PRKG1: variants seen among roughly 807,000 people sequenced by gnomAD.
The protein encoded by PRKG1 is protein kinase cGMP-dependent 1.
Under a neutral mutation model 88.1 loss-of-function variants are expected in PRKG1, and 35 were observed. The ratio of observed to expected loss-of-function variants is 0.40; its 90% confidence interval spans 0.30 to 0.53. PRKG1 has a LOEUF of 0.53. Among genes scored for constraint, PRKG1 ranks in the 20% least tolerant of loss-of-function variants. The pLI, the probability that PRKG1 is intolerant of heterozygous loss-of-function variation, is 0.59. For synonymous variants in PRKG1, 303 were observed against 292.5 expected, an observed-to-expected ratio of 1.04 and a Z score of -0.37; for missense variants, 540 against 839.8, an observed-to-expected ratio of 0.64 and a Z score of 4.41.
At chr10:51,054,676 C>G (rs1050603505) in intron 1 of PRKG1, among the ~76,000 whole-genome samples, 17 of 152,042 alleles carry the variant, frequency 1.1e-4, no homozygotes, top group Non-Finnish European at 1.9e-4. Flanking sequence ...TTTTAGTGAA[C>G]CTTTCGTTAT....
intron 5 of PRKG1, among the ~76,000 whole-genome samples, chr10:51,914,955 C>T (rs375986153): frequency 1.3e-5 from 2 of 152,244 alleles, no homozygotes; most frequent in East Asian, 1.9e-4. Context: ...TTTCAACTCA[C>T]CCTTGCTTAA....
At chr10:51,302,269 A>G (rs954210215) in intron 2 of PRKG1, among the ~76,000 whole-genome samples, 4 of 152,224 alleles carry the variant, frequency 2.6e-5, no homozygotes, top group Non-Finnish European at 2.9e-5. Context: ...TTCAAATTGT[A>G]TATAACATCT....
intron 3 of PRKG1, among the ~76,000 whole-genome samples, chr10:51,720,577 A>G (rs911635384): frequency 1.3e-5 from 2 of 152,022 alleles, no homozygotes; most frequent in African/African-American, 4.8e-5. Context: ...TATGGGTGGG[A>G]TGGCTTTATA....
chr10:51,906,366 A>G (rs1842086601), intron 4 of PRKG1, among the ~76,000 whole-genome samples: 1 of 152,196 alleles, frequency 6.6e-6, no homozygotes, highest in Admixed American at 6.5e-5. Context: ...AGCCCCAGGA[A>G]GTCCTGAGAA....
intron 3 of PRKG1, among the ~76,000 whole-genome samples, chr10:51,677,857 T>C (rs1196728618): frequency 6.6e-6 from 1 of 152,130 alleles, no homozygotes; most frequent in African/African-American, 2.4e-5. Context: ...GGAGAGGGAA[T>C]TGGGCAGGAG....
chr10:52,046,334 T>C (rs1423978181), intron 5 of PRKG1, among the ~76,000 whole-genome samples: 2 of 152,116 alleles, frequency 1.3e-5, no homozygotes, highest in East Asian at 3.9e-4. Flanking sequence ...GAGGTATTTG[T>C]ACCTTTACAA....
At chr10:52,114,361 G>A (rs1847637722) in intron 7 of PRKG1, among the ~76,000 whole-genome samples, 1 of 152,030 alleles carries the variant, frequency 6.6e-6, no homozygotes, top group Non-Finnish European at 1.5e-5. Flanking sequence ...TCTATTGGGG[G>A]AGGGAAACTT....
intron 14 of PRKG1, among the ~76,000 whole-genome samples, chr10:52,287,556 A>C (rs16928959): frequency 6.6e-6 from 1 of 152,080 alleles, no homozygotes; most frequent in Non-Finnish European, 1.5e-5. Flanking sequence ...TAAAGAGAGT[A>C]ATTAATTTCC....
chr10:52,195,649 AT>A (rs1207638443), intron 9 of PRKG1, among the ~76,000 whole-genome samples: 3 of 152,172 alleles, frequency 2.0e-5, no homozygotes, highest in African/African-American at 7.2e-5. Context: ...AAATTTGTTA[AT>A]TTTTATTTAC....
chr10:51,603,958 C>T (rs764950278), intron 3 of PRKG1, among the ~76,000 whole-genome samples: 4 of 152,212 alleles, frequency 2.6e-5, no homozygotes, highest in South Asian at 4.2e-4. Flanking sequence ...ACACTCCATC[C>T]GGAATCCCAA....
intron 3 of PRKG1, among the ~76,000 whole-genome samples, chr10:51,736,051 C>T (rs1211737596): frequency 6.7e-6 from 1 of 149,712 alleles, no homozygotes; most frequent in Non-Finnish European, 1.5e-5. Flanking sequence ...TGCCACTATG[C>T]CCAGCTAATT....
At chr10:51,268,781 A>G (rs1046037807) in intron 2 of PRKG1, among the ~76,000 whole-genome samples, 1 of 152,236 alleles carries the variant, frequency 6.6e-6, no homozygotes, top group African/African-American at 2.4e-5. Context: ...AAAGACAGGC[A>G]TAGGAAATCA....
intron 2 of PRKG1, among the ~76,000 whole-genome samples, chr10:51,361,609 T>C (rs1842482717): frequency 6.6e-6 from 1 of 151,672 alleles, no homozygotes; most frequent in Admixed American, 6.6e-5. Flanking sequence ...GAATTAGGAG[T>C]AGTTAACAGT....
At chr10:52,282,028 A>C (rs541446843) in intron 13 of PRKG1, 125 bp from the exon 14 acceptor site, 1 of 1,040,704 alleles carries the variant, frequency 9.6e-7, no homozygotes, top group Non-Finnish European at 1.3e-6. Context: ...TCTTTTTGGA[A>C]GACAGAACTA....
In PRKG1 at chr10:51,452,083, C is replaced by T. The variant is rs77812468; in HGVS notation, c.479-15640C>T. Among the ~76,000 whole-genome samples, 1,466 of 151,832 alleles carry T rather than the reference C, an allele frequency of 9.7e-3. 35 individuals are homozygous for T. Among genetic ancestry groups the T allele is most frequent in the South Asian group, 0.042 (201 of 4,826 alleles). ...TATAATTCACATGCCATACAATTTACCCATTTAAGGTGTTCAAATCAGTGT... is the reference window on the plus strand; with the variant it reads ...TATAATTCACATGCCATACAATTTATCCATTTAAGGTGTTCAAATCAGTGT... On this transcript the variant is annotated intron_variant, in intron 2 of 17. Coordinates refer to ENST00000373980, the MANE Select transcript of PRKG1 (RefSeq NM_006258.4).
At chr10:51,952,461 A>T (rs1278107852) in intron 5 of PRKG1, among the ~76,000 whole-genome samples, 1 of 152,192 alleles carries the variant, frequency 6.6e-6, no homozygotes, top group Non-Finnish European at 1.5e-5. Flanking sequence ...AATATGATTG[A>T]CTTCATTAGC....
intron 2 of PRKG1, among the ~76,000 whole-genome samples, chr10:51,420,463 G>T (rs913092824): frequency 2.0e-5 from 3 of 152,060 alleles, no homozygotes; most frequent in Non-Finnish European, 2.9e-5. Context: ...AATCATGGTT[G>T]CACCACAGAT....
chr10:51,435,217 T>C (rs577570649), intron 2 of PRKG1, among the ~76,000 whole-genome samples: 34 of 152,138 alleles, frequency 2.2e-4, no homozygotes, highest in African/African-American at 6.3e-4. Flanking sequence ...TTGATAAACA[T>C]TTTTGGCTTG....
chr10:52,170,898 C>G (rs12263689), intron 9 of PRKG1, among the ~76,000 whole-genome samples: 11,723 of 152,190 alleles, frequency 0.077, 1,528 homozygotes, highest in African/African-American at 0.27. Context: ...TCAGACAGAA[C>G]GGCTGCTGTT....
Sources: allele counts gnomAD v4.1 joint callset (sites outside exome capture counted in the v4.1 genomes callset), GRCh38; gene constraint gnomAD v4.1.1; transcripts MANE v1.5; gene names NCBI Gene and HGNC (gene_info 2026-07-23, HGNC 2026-07-21).